The following MCTP2 variants were observed in gnomAD, a reference collection of about 807,000 sequenced individuals.
MCTP2 encodes the protein multiple C2 and transmembrane domain containing 2, also known as multiple C2 and transmembrane domain-containing protein 2.
A neutral mutation model predicts 111.6 loss-of-function variants in MCTP2; 132 were observed. The ratio of observed to expected loss-of-function variants is 1.18; its 90% confidence interval spans 1.03 to 1.37. MCTP2 has a LOEUF of 1.37. MCTP2 is among the 40% of genes most tolerant of loss of function. The pLI, the probability that MCTP2 is intolerant of heterozygous loss-of-function variation, is 0.00. For synonymous variants in MCTP2, 395 were observed against 387.7 expected, an observed-to-expected ratio of 1.02 and a Z score of -0.22; for missense variants, 1,183 against 1,067.9, an observed-to-expected ratio of 1.11 and a Z score of -1.50.
intron 18 of MCTP2, among the ~76,000 whole-genome samples, chr15:94,440,699 G>C (rs1295381998): frequency 6.6e-6 from 1 of 152,174 alleles, no homozygotes; most frequent in Non-Finnish European, 1.5e-5. Context: ...TTTCCATGAA[G>C]GCACCTTATG....
intron 8 of MCTP2, among the ~76,000 whole-genome samples, chr15:94,348,694 C>A (rs915604094): frequency 6.6e-6 from 1 of 150,890 alleles, no homozygotes; most frequent in Middle Eastern, 3.2e-3. Context: ...CTGTGTTGGC[C>A]CAGGAAGTAG....
At chr15:94,253,491 G>A (rs1204642071) in intron 1 of MCTP2, among the ~76,000 whole-genome samples, 1 of 152,048 alleles carries the variant, frequency 6.6e-6, no homozygotes, top group Non-Finnish European at 1.5e-5. Context: ...TGTCATTCTA[G>A]TTACATTTTT....
chr15:94,380,767 C>CAA (rs376038646), intron 12 of MCTP2, among the ~76,000 whole-genome samples: 1 of 114,880 alleles, frequency 8.7e-6, no homozygotes. Flanking sequence ...GACTCCGTCT[C>CAA]AAAAAAAAAA....
intron 18 of MCTP2, among the ~76,000 whole-genome samples, chr15:94,442,105 G>A (rs534752870): frequency 3.3e-5 from 5 of 152,194 alleles, no homozygotes; most frequent in Non-Finnish European, 5.9e-5. Flanking sequence ...TCTGAACAGC[G>A]TGCCTGACCT....
At chr15:94,279,522 A>G (rs768410100) in intron 1 of MCTP2, among the ~76,000 whole-genome samples, 61 of 149,944 alleles carry the variant, frequency 4.1e-4, no homozygotes, top group Non-Finnish European at 7.5e-4. Flanking sequence ...AGCAGGGACT[A>G]TGGGGTTTTC....
chr15:94,420,773 G>A (rs568295010), intron 17 of MCTP2, among the ~76,000 whole-genome samples: 7 of 152,244 alleles, frequency 4.6e-5, no homozygotes, highest in African/African-American at 1.4e-4. Context: ...TATGAACATT[G>A]TTGAAATAAC....
intron 17 of MCTP2, among the ~76,000 whole-genome samples, chr15:94,425,908 C>G (rs1041109685): frequency 8.5e-5 from 13 of 152,142 alleles, no homozygotes; most frequent in Admixed American, 2.6e-4. Context: ...GCTCAGGCAA[C>G]TTTAGAGGCA....
chr15:94,334,181 T>C (rs190495418), intron 4 of MCTP2, among the ~76,000 whole-genome samples: 23 of 152,352 alleles, frequency 1.5e-4, no homozygotes, highest in Admixed American at 3.9e-4. Flanking sequence ...TGAAGTATAT[T>C]GGATCATTCA....
At chr15:94,450,457 A>G (rs1596755574) in intron 19 of MCTP2, among the ~76,000 whole-genome samples, 1 of 152,212 alleles carries the variant, frequency 6.6e-6, no homozygotes, top group Non-Finnish European at 1.5e-5. Context: ...ATTCCCAAAG[A>G]ATAATTTTTA....
chr15:94,355,918 T>TA (rs1224657595), intron 8 of MCTP2: 1 of 1,144,800 alleles, frequency 8.7e-7, no homozygotes, highest in East Asian at 5.0e-5. Flanking sequence ...GTGTTGCATA[T>TA]ACTCATCCTT....
chr15:94,260,446 C>T (rs1317455966), intron 1 of MCTP2, among the ~76,000 whole-genome samples: 1 of 152,188 alleles, frequency 6.6e-6, no homozygotes, highest in Non-Finnish European at 1.5e-5. Flanking sequence ...TCTGCCCTCT[C>T]GTCTTCTCTC....
intron 3 of MCTP2, 55 bp downstream of exon 3, chr15:94,314,399 A>C (rs968580842): frequency 2.3e-6 from 3 of 1,312,772 alleles, no homozygotes; most frequent in Non-Finnish European, 3.2e-6. Context: ...TTCTCATCAA[A>C]TGTTTGGGTT....
chr15:94,277,359 C>T (rs187629035), intron 1 of MCTP2, among the ~76,000 whole-genome samples: 288 of 152,116 alleles, frequency 1.9e-3, no homozygotes, highest in African/African-American at 6.5e-3. Context: ...TAGGTCCACA[C>T]GAAATCCTGC....
chr15:94,479,154 CTG>C lies in MCTP2; in HGVS notation c.*122_*123del. On this transcript the variant is annotated 3_prime_UTR_variant, in exon 23 of 23. Transcript: ENST00000357742. ...TGAAATGCATGCCCTGTGGCACCCT[CTG>C]TATACTTCCTCCTCCTTCACGTGCA... 1 of 891,424 alleles carries C rather than the reference CTG, an allele frequency of 1.1e-6. No homozygotes were observed. The highest frequency in any genetic ancestry group is 1.9e-6 in the Non-Finnish European group (1 of 537,856). 55.2% of individuals were successfully genotyped at this position (891,424 alleles called of 1,614,324 possible). A position where few individuals can be genotyped will look rare whatever the true frequency, so the allele number is the denominator to read the frequency against.
chr15:94,303,246 A>T (rs1017260797), intron 2 of MCTP2, among the ~76,000 whole-genome samples: 3 of 151,538 alleles, frequency 2.0e-5, no homozygotes, highest in African/African-American at 2.4e-5. Flanking sequence ...GGCCATCTAC[A>T]GGCTGAGGAG....
At chr15:94,383,287 A>G (rs1157914882) in intron 12 of MCTP2, among the ~76,000 whole-genome samples, 1 of 152,148 alleles carries the variant, frequency 6.6e-6, no homozygotes, top group Non-Finnish European at 1.5e-5. Flanking sequence ...GTTTCCAGTT[A>G]TAGAATAGTA....
At chr15:94,458,553 C>T (rs946659332) in intron 20 of MCTP2, among the ~76,000 whole-genome samples, 1 of 152,152 alleles carries the variant, frequency 6.6e-6, no homozygotes, top group African/African-American at 2.4e-5. Flanking sequence ...TAAAATGTTA[C>T]CCTATTCAGA....
At position 94,243,101 on chromosome 15, in the gene MCTP2, G is replaced by T. The variant is rs574417528; in HGVS notation, c.-66+11437G>T. On this transcript the variant is annotated intron_variant, in intron 1 of 22. Coordinates refer to ENST00000357742, the MANE Select transcript of MCTP2 (RefSeq NM_001385001.1). Reference sequence around the variant, plus strand: ...TATCTACACATATACGTGTATATGTGTATCTACGGGTGTGTATATATGTAT... The same window carrying T: ...TATCTACACATATACGTGTATATGTTTATCTACGGGTGTGTATATATGTAT... Among the ~76,000 whole-genome samples the T allele has an allele frequency of 7.7e-5, 11 of 142,872 alleles. 3 individuals carry two copies. The South Asian group carries it at 2.4e-3, about 32-fold the overall frequency. 93.7% of individuals were successfully genotyped at this position (142,872 alleles called of 152,430 possible).
chr15:94,382,701 C>A (rs80065444), intron 12 of MCTP2, among the ~76,000 whole-genome samples: 1 of 152,264 alleles, frequency 6.6e-6, no homozygotes, highest in Non-Finnish European at 1.5e-5. Flanking sequence ...GTCAAGAGGC[C>A]TGAGCACTCT....
Sources: gnomAD v4.1 joint callset for allele counts (sites outside exome capture counted in the v4.1 genomes callset) on GRCh38, gnomAD v4.1.1 for gene constraint, MANE v1.5 for transcripts, NCBI Gene and HGNC (gene_info 2026-07-23, HGNC 2026-07-21) for gene names.